RNF180: variants seen among roughly 807,000 people sequenced by gnomAD.
RNF180 encodes ring finger protein 180.
RNF180 carries 38 observed loss-of-function variants against 59.2 expected under a neutral mutation model. The ratio of observed to expected loss-of-function variants is 0.64; its 90% CI spans 0.50 to 0.84. The LOEUF is 0.84. Among genes scored for constraint, RNF180 ranks in the 40% least tolerant of loss-of-function variants. The pLI, the probability that RNF180 is intolerant of heterozygous loss-of-function variation, is 0.00. For synonymous variants in RNF180, 262 were observed against 240.3 expected (o/e 1.09, Z -0.84); for missense variants, 705 against 700.9 (o/e 1.01, Z -0.07).
At chr5:64,330,237 C>A in intron 6 of RNF180, 44 bp from the exon 7 acceptor site, 1 of 1,306,146 alleles carries the variant, frequency 7.7e-7, no homozygotes, top group Non-Finnish European at 1.1e-6. Flanking sequence ...TGCCATTTTA[C>A]TCAAATTAAT....
intron 2 of RNF180, among the ~76,000 whole-genome samples, chr5:64,203,509 T>G (rs1475106743): frequency 6.6e-6 from 1 of 152,140 alleles, no homozygotes; most frequent in East Asian, 1.9e-4. Context: ...ACCAATCTTA[T>G]TTCTGTCTCT....
chr5:64,236,677 CA>C lies in RNF180; in HGVS notation c.1227+19282del, dbSNP rs369579931. On this transcript the variant is annotated intron_variant, in intron 5 of 7. Transcript: ENST00000389100. ...GTGGCAGCCCCTCCCATCACAGGCC[CA>C]GAGGTCTAGGAGGGAAAAATGGCTT... 3.5e-3 allele frequency among the ~76,000 whole-genome samples: 538 copies of C among 152,232 alleles called. 7 individuals are homozygous for C. The highest frequency in any genetic ancestry group is 0.012 in the African/African-American group (490 of 41,532).
At chr5:64,346,104 C>T (rs1018060435) in intron 7 of RNF180, among the ~76,000 whole-genome samples, 11 of 151,904 alleles carry the variant, frequency 7.2e-5, no homozygotes, top group African/African-American at 2.7e-4. Flanking sequence ...AGATAACCAT[C>T]AGCATTCATA....
chr5:64,279,629 CTT>C (rs550711378), intron 5 of RNF180, among the ~76,000 whole-genome samples: 54 of 152,092 alleles, frequency 3.6e-4, no homozygotes, highest in Middle Eastern at 3.4e-3. Context: ...TAATGGGTGT[CTT>C]TTATTTTTTC....
chr5:64,285,576 G>A (rs1378708510), intron 5 of RNF180, among the ~76,000 whole-genome samples: 1 of 152,116 alleles, frequency 6.6e-6, no homozygotes, highest in Non-Finnish European at 1.5e-5. Context: ...TGATGGTTAG[G>A]TGCACTCTGC....
At chr5:64,283,193 A>G in intron 5 of RNF180, among the ~76,000 whole-genome samples, 1 of 152,208 alleles carries the variant, frequency 6.6e-6, no homozygotes, top group South Asian at 2.1e-4. Context: ...TATTGGGTGC[A>G]TGTGTATTTA....
chr5:64,266,533 C>T (rs1277225180), intron 5 of RNF180, among the ~76,000 whole-genome samples: 1 of 152,096 alleles, frequency 6.6e-6, no homozygotes, highest in Non-Finnish European at 1.5e-5. Flanking sequence ...TAGCCAGAAA[C>T]ATGTGTTTGC....
chr5:64,237,044 G>C (rs1308533686), intron 5 of RNF180, among the ~76,000 whole-genome samples: 1 of 152,198 alleles, frequency 6.6e-6, no homozygotes, highest in Non-Finnish European at 1.5e-5. Flanking sequence ...CCCCCACACA[G>C]AGTCTCCACT....
chr5:64,213,496 A>G, intron 3 of RNF180, 62 bp from the exon 4 acceptor site: 2 of 1,490,188 alleles, frequency 1.3e-6, no homozygotes, highest in Non-Finnish European at 1.8e-6. Context: ...AAAGAAAAAA[A>G]AATTTCTCTT....
intron 5 of RNF180, among the ~76,000 whole-genome samples, chr5:64,224,775 T>C (rs1271567241): frequency 1.3e-5 from 2 of 152,256 alleles, no homozygotes; most frequent in Non-Finnish European, 2.9e-5. Flanking sequence ...ATGTTGCCTA[T>C]GTGATAGTAT....
rs1477202339 is a variant in RNF180, at chr5:64,319,172, T to C, written c.1228-6014T>C. ...TTTTTCTGTGAACCTAAAACTGTTGTTTAAAAAAAAAAAAAAAAACTTTGT... is the reference window on the plus strand; with the variant it reads ...TTTTTCTGTGAACCTAAAACTGTTGCTTAAAAAAAAAAAAAAAAACTTTGT... On this transcript the variant is annotated intron_variant, in intron 5 of 7. Coordinates refer to ENST00000389100, the MANE Select transcript of RNF180 (RefSeq NM_001113561.2). Among the ~76,000 whole-genome samples the C allele has an allele frequency of 7.8e-5, 11 of 141,470 alleles. No individual in the cohort carries two copies. The East Asian group carries it at 2.1e-3, about 28-fold the overall frequency. 92.8% of individuals were successfully genotyped at this position (141,470 alleles called of 152,430 possible). A position where few individuals can be genotyped will look rare whatever the true frequency, so the allele number is the denominator to read the frequency against.
intron 7 of RNF180, among the ~76,000 whole-genome samples, chr5:64,350,020 A>C (rs957756541): frequency 6.6e-6 from 1 of 152,180 alleles, no homozygotes; most frequent in Admixed American, 6.5e-5. Flanking sequence ...GAACTAGTTT[A>C]CAGTCCCACC....
chr5:64,328,873 A>G (rs1007251491), intron 6 of RNF180, among the ~76,000 whole-genome samples: 2 of 152,208 alleles, frequency 1.3e-5, no homozygotes, highest in African/African-American at 4.8e-5. Context: ...GGATGAAAGT[A>G]AGAGGGGATG....
intron 5 of RNF180, among the ~76,000 whole-genome samples, chr5:64,234,984 A>AAAC (rs1327548573): frequency 6.6e-6 from 1 of 152,180 alleles, no homozygotes; most frequent in Non-Finnish European, 1.5e-5. Context: ...TTAAGCAAAA[A>AAAC]ACAAAGCAGG....
intron 5 of RNF180, among the ~76,000 whole-genome samples, chr5:64,269,700 CATTT>C (rs1288119476): frequency 6.6e-6 from 1 of 152,068 alleles, no homozygotes; most frequent in Non-Finnish European, 1.5e-5. Context: ...ATTATGACCA[CATTT>C]ATTCAGCTCT....
chr5:64,266,625 A>T (rs548020852), intron 5 of RNF180, among the ~76,000 whole-genome samples: 16 of 152,292 alleles, frequency 1.1e-4, no homozygotes, highest in African/African-American at 3.6e-4. Flanking sequence ...GTAGGAAAAG[A>T]CATAAGGTGG....
At chr5:64,216,191 A>G (rs1345366803) in intron 4 of RNF180, among the ~76,000 whole-genome samples, 1 of 152,158 alleles carries the variant, frequency 6.6e-6, no homozygotes, top group Non-Finnish European at 1.5e-5. Context: ...AGTAAATTTT[A>G]AAGTGTATGG....
intron 7 of RNF180, among the ~76,000 whole-genome samples, chr5:64,349,544 T>A (rs1361307968): frequency 6.6e-6 from 1 of 152,070 alleles, no homozygotes; most frequent in Non-Finnish European, 1.5e-5. Context: ...ACTCATCATT[T>A]ACATTAGGTA....
At chr5:64,241,778 C>G (rs1251584091) in intron 5 of RNF180, among the ~76,000 whole-genome samples, 1 of 152,114 alleles carries the variant, frequency 6.6e-6, no homozygotes, top group Non-Finnish European at 1.5e-5. Flanking sequence ...GACAGTTTTT[C>G]ATTACCCACA....
Sources: allele counts gnomAD v4.1 joint callset (sites outside exome capture counted in the v4.1 genomes callset), GRCh38; gene constraint gnomAD v4.1.1; transcripts MANE v1.5; gene names NCBI Gene and HGNC (gene_info 2026-07-23, HGNC 2026-07-21).